GLIS2: variants seen among roughly 807,000 people sequenced by gnomAD.
GLIS2 encodes zinc finger protein GLIS2.
A neutral mutation model predicts 35.6 loss-of-function variants in GLIS2; 14 were observed. The observed-to-expected ratio is 0.39, with a 90% CI of 0.26 to 0.61. The LOEUF (loss-of-function observed/expected upper bound fraction) is 0.61. GLIS2 is among the 20% of genes least tolerant of loss of function. GLIS2 has a pLI of 0.48. For synonymous variants in GLIS2, 368 were observed against 325.1 expected (o/e 1.13, Z -1.42); for missense variants, 675 against 713.4 (o/e 0.95, Z 0.61).
Position 4,335,882 on chromosome 16 carries a change from G to T in GLIS2, c.775+489G>T. ...AAAGACAAATCAGTGAGATATTGAA[G>T]TTCTTCATTTCATGACAAAGCCTCA... On this transcript the variant is annotated intron_variant, in intron 6 of 6. Coordinates refer to ENST00000433375, the MANE Select transcript of GLIS2 (RefSeq NM_032575.3). The surrounding 1 kb of genome is among the most constrained non-coding windows in gnomAD (Gnocchi z 4.6). 5.3e-6 allele frequency: 1 copy of T among 190,054 alleles called. No homozygotes were observed. Among genetic ancestry groups the T allele is most frequent in the Non-Finnish European group, 1.1e-5 (1 of 89,832 alleles). The allele number at this position is 190,054 out of a possible 1,614,324, so 11.8% of individuals were successfully genotyped here. A position where few individuals can be genotyped will look rare whatever the true frequency, so the allele number is the denominator to read the frequency against.
At position 4,332,236 on chromosome 16, in the gene GLIS2, G is replaced by A. The variant is rs2053504546; in HGVS notation, c.-45G>A. 1 of 1,601,562 alleles carries A rather than the reference G, an allele frequency of 6.2e-7. No individual in the cohort carries two copies. Among genetic ancestry groups the A allele is most frequent in the African/African-American group, 1.3e-5 (1 of 74,776 alleles). ...CCAGGTTCCTGCGTGAAGACCAGCT[G>A]GGAGCCCACTGCCTGCTGCCACCTC... On this transcript the variant is annotated 5_prime_UTR_variant, in exon 2 of 7. Transcript: ENST00000433375. This position sits in a 1 kb window ranked among gnomAD's most constrained non-coding sequence, Gnocchi z 5.4.
At chr16:4,321,067 G>A (rs1039556757) in intron 1 of GLIS2, among the ~76,000 whole-genome samples, 7 of 152,232 alleles carry the variant, frequency 4.6e-5, no homozygotes, top group South Asian at 2.1e-4. Context: ...AGAGAGGGGC[G>A]GGTGGCTGAG....
In GLIS2 at chr16:4,337,684, C is replaced by T. The variant is rs1170832169; in HGVS notation, c.*160C>T. On this transcript the variant is annotated 3_prime_UTR_variant, in exon 7 of 7. Transcript: ENST00000433375. ...ATGGTGCTAGGTCATTCATGGCTGG[C>T]CTCCCAGCCCCCGGGTGGGGACCTG... The T allele has an allele frequency of 3.8e-6, 4 of 1,043,706 alleles. No homozygotes were observed. The East Asian group carries it at 1.0e-4, about 27-fold the overall frequency. The allele number at this position is 1,043,706 out of a possible 1,614,324, so 64.7% of individuals were successfully genotyped here. A position where few individuals can be genotyped will look rare whatever the true frequency, so the allele number is the denominator to read the frequency against.
At chr16:4,330,241 C>T (rs369022496) in intron 1 of GLIS2, among the ~76,000 whole-genome samples, 5 of 152,306 alleles carry the variant, frequency 3.3e-5, no homozygotes, top group African/African-American at 1.2e-4. Flanking sequence ...CACACCACTG[C>T]ACTCCAGCCT....
intron 1 of GLIS2, among the ~76,000 whole-genome samples, chr16:4,318,679 A>G (rs773240405): frequency 6.6e-6 from 1 of 152,092 alleles, no homozygotes; most frequent in Non-Finnish European, 1.5e-5. Flanking sequence ...CCCATTTCCA[A>G]GGCCCCCACT....
intron 1 of GLIS2, among the ~76,000 whole-genome samples, chr16:4,323,590 G>A (rs1234258141): frequency 2.6e-5 from 4 of 152,190 alleles, no homozygotes; most frequent in South Asian, 2.1e-4. Flanking sequence ...CGGGGCTCCC[G>A]GAGCCCGGTG....
chr16:4,326,794 TC>T, intron 1 of GLIS2, among the ~76,000 whole-genome samples: 1 of 136,234 alleles, frequency 7.3e-6, no homozygotes, highest in East Asian at 2.3e-4. Flanking sequence ...GGAGTCTCAC[TC>T]CGTCGCCCAG....
intron 1 of GLIS2, among the ~76,000 whole-genome samples, chr16:4,318,428 G>A (rs1028756552): frequency 6.6e-6 from 1 of 152,206 alleles, no homozygotes; most frequent in Non-Finnish European, 1.5e-5. Flanking sequence ...GGTGGAGCCC[G>A]GATGAATAAC....
chr16:4,327,691 T>A (rs2053448745), intron 1 of GLIS2, among the ~76,000 whole-genome samples: 2 of 149,414 alleles, frequency 1.3e-5, no homozygotes, highest in Non-Finnish European at 1.5e-5. Flanking sequence ...ACCCTCCGGG[T>A]GACCCCCGCC....
Position 4,320,809 on chromosome 16 carries a change from C to T in GLIS2, c.-67+4555C>T, listed in dbSNP as rs909473876. ...GCTGTAGGGGCCTCCATTGTCCTCCCTATTCTGAAGTCCCCCCAACCCTGT... is the reference window on the plus strand; with the variant it reads ...GCTGTAGGGGCCTCCATTGTCCTCCTTATTCTGAAGTCCCCCCAACCCTGT... On this transcript the variant is annotated intron_variant, in intron 1 of 6. Transcript: ENST00000433375. This position sits in a 1 kb window ranked among gnomAD's most constrained non-coding sequence, Gnocchi z 5.6. Among the ~76,000 whole-genome samples the T allele has an allele frequency of 1.2e-4, 19 of 152,068 alleles. No homozygotes were observed. The highest frequency in any genetic ancestry group is 2.6e-4 in the Non-Finnish European group (18 of 67,988).
upstream of GLIS2, among the ~76,000 whole-genome samples, chr16:4,315,958 C>CGCCCTCCTCCGCGGCCGGCGG (rs2053305503): frequency 6.7e-6 from 1 of 148,248 alleles, no homozygotes; most frequent in Non-Finnish European, 1.5e-5. Context: ...CCCTCCTCCT[C>CGCCCTCCTCCGCGGCCGGCGG]GCCCTCCTCC....
At chr16:4,321,021 G>A (rs919236609) in intron 1 of GLIS2, among the ~76,000 whole-genome samples, 5 of 152,192 alleles carry the variant, frequency 3.3e-5, no homozygotes, top group East Asian at 3.8e-4. Flanking sequence ...GGCTGTCCCC[G>A]GCTTCTGGAC....
At position 4,332,381 on chromosome 16, in the gene GLIS2, G is replaced by A. The variant is rs377037409; in HGVS notation, c.101G>A (p.Arg34His). 69 of 1,612,996 alleles carry A rather than the reference G, an allele frequency of 4.3e-5. 1 individual carries two copies. The Admixed American group carries it at 6.3e-4, about 15-fold the overall frequency. ...AGGACGCTGGGTGTGGTCCGGCCCC[G>A]TGCTCTGCACAGGGAGCTGGGCCTG... ...RERTLGVVRP[R>H]ALHRELGLVD... Residue 34 changes from arginine to histidine, a missense_variant, in exon 2 of 7, where the codon CGT becomes CAT. This residue lies in a region of GLIS2 where 225 missense variants were observed against 238.7 expected (regional missense o/e 0.94). Transcript: ENST00000433375. This position sits in a 1 kb window ranked among gnomAD's most constrained non-coding sequence, Gnocchi z 5.4.
intron 1 of GLIS2, among the ~76,000 whole-genome samples, chr16:4,327,653 C>G (rs907791424): frequency 9.2e-5 from 14 of 152,032 alleles, no homozygotes; most frequent in Non-Finnish European, 1.6e-4. Context: ...ATTGTCTCGG[C>G]CAGGGTGGCG....
chr16:4,337,039 G>A lies in GLIS2; in HGVS notation c.1090G>A (p.Gly364Ser), dbSNP rs1193792963. The A allele has an allele frequency of 1.9e-6, 3 of 1,589,842 alleles. No homozygotes were observed. The highest frequency in any genetic ancestry group is 2.3e-5 in the East Asian group (1 of 43,780). Residue 364 changes from glycine to serine, a missense_variant, in exon 7 of 7, where the codon GGC becomes AGC. Physicochemically the swap from Gly to Ser is moderately conservative, Grantham distance 56. This residue lies in a region of GLIS2 where 317 missense variants were observed against 283.2 expected (regional missense o/e 1.12). Transcript: ENST00000433375. ...CCCCAACCCAGCTGCCCTCTTTGGAGGCCCTGGCCTGCCCGGCTTACCCCT... is the reference window on the plus strand; with the variant it reads ...CCCCAACCCAGCTGCCCTCTTTGGAAGCCCTGGCCTGCCCGGCTTACCCCT... The part of the protein sequence containing the change: ...IIPNPAALFG[G>S]PGLPGLPLPL...
rs1168639696 is a variant in GLIS2 at position 4,332,210 on chromosome 16, C to G, written c.-66-5C>G. On this transcript the variant is annotated splice_region_variant and splice_polypyrimidine_tract_variant and intron_variant, in intron 1 of 6. Coordinates refer to ENST00000433375, the MANE Select transcript of GLIS2 (RefSeq NM_032575.3). This position sits in a 1 kb window ranked among gnomAD's most constrained non-coding sequence, Gnocchi z 5.4. The stretch of plus-strand genomic sequence containing the variant: ...TGCCACAGCACAGCTCCTGTCCTTC[C>G]CCAGGTTCCTGCGTGAAGACCAGCT... 3.2e-6 allele frequency: 5 copies of G among 1,559,320 alleles called. No individual in the cohort carries two copies. The Admixed American group carries it at 5.5e-5, about 17-fold the overall frequency.
chr16:4,330,830 G>T (rs1275068760), intron 1 of GLIS2, among the ~76,000 whole-genome samples: 3 of 152,178 alleles, frequency 2.0e-5, no homozygotes, highest in African/African-American at 7.2e-5. Flanking sequence ...CCCCAAAACT[G>T]GCCATAAATA....
At chr16:4,315,092 G>C (rs1035043411), upstream of GLIS2, 4 of 152,242 alleles carry the variant, frequency 2.6e-5, no homozygotes, top group Non-Finnish European at 4.4e-5. Flanking sequence ...CTGATGTCCA[G>C]GAGGGATCTA....
intron 1 of GLIS2, among the ~76,000 whole-genome samples, chr16:4,328,097 G>C (rs1014227506): frequency 6.6e-6 from 1 of 152,206 alleles, no homozygotes; most frequent in African/African-American, 2.4e-5. Flanking sequence ...CTTGCGCTGC[G>C]CCCGGGGAGC....
Sources: allele counts gnomAD v4.1 joint callset (sites outside exome capture counted in the v4.1 genomes callset), GRCh38; gene constraint gnomAD v4.1.1; regional missense constraint gnomAD v4.1.1; non-coding constraint Gnocchi (gnomAD v3.1); transcripts MANE v1.5; gene names NCBI Gene and HGNC (gene_info 2026-07-23, HGNC 2026-07-21).